Variants in SLF2 observed in about 807,000 individuals in gnomAD.
The protein encoded by SLF2 is SMC5-SMC6 complex localization factor protein 2.
A neutral mutation model predicts 124.3 loss-of-function variants in SLF2; 68 were observed. The ratio of observed to expected loss-of-function variants is 0.55; its 90% confidence interval spans 0.45 to 0.67. SLF2 has a LOEUF of 0.67. Among genes scored for constraint, SLF2 ranks in the 30% least tolerant of loss-of-function variants. SLF2 has a pLI of 0.00. For missense variants in SLF2, 1,246 were observed against 1,373.7 expected (o/e 0.91, Z 1.47); for synonymous variants, 480 against 478.8 (o/e 1.00, Z -0.03).
chr10:100,956,625 C>T (rs1850335152), intron 18 of SLF2, 88 bp downstream of exon 18: 2 of 970,968 alleles, frequency 2.1e-6, no homozygotes, highest in Admixed American at 2.4e-5. Flanking sequence ...GGCCTATATT[C>T]AGAAAAAGAA....
At chr10:100,929,520 A>G (rs990681764) in intron 7 of SLF2, 81 bp downstream of exon 7, 17 of 1,231,812 alleles carry the variant, frequency 1.4e-5, no homozygotes, top group Admixed American at 1.3e-4. Flanking sequence ...TAAATGGGCC[A>G]TTGATGGCTG....
intron 15 of SLF2, 79 bp downstream of exon 15, chr10:100,947,926 CAA>C (rs1480573088): frequency 9.6e-7 from 1 of 1,038,978 alleles, no homozygotes; most frequent in African/African-American, 1.6e-5. Context: ...AACCCTAAGT[CAA>C]AGGTCCTGGG....
At position 100,924,531 on chromosome 10, in the gene SLF2, A is replaced by C. The variant is rs773247768; in HGVS notation, c.1530A>C (p.Glu510Asp). ...KKDKERSSSK[E>D]CSGHSTESTK... Reference sequence around the variant, plus strand: ...ATAAAGAGCGTTCCTCATCTAAAGAATGTTCTGGGCATTCTACAGAATCCA... The same window carrying C: ...ATAAAGAGCGTTCCTCATCTAAAGACTGTTCTGGGCATTCTACAGAATCCA... Residue 510 changes from glutamate to aspartate, a missense_variant, in exon 5 of 20, where the codon GAA becomes GAC. Transcript: ENST00000238961. The C allele has an allele frequency of 6.2e-7, 1 of 1,614,162 alleles. No individual in the cohort carries two copies. The highest frequency in any genetic ancestry group is 1.7e-5 in the Admixed American group (1 of 60,024).
intron 13 of SLF2, among the ~76,000 whole-genome samples, chr10:100,946,067 G>C (rs917389308): frequency 2.0e-5 from 3 of 152,108 alleles, no homozygotes; most frequent in Non-Finnish European, 4.4e-5. Flanking sequence ...GGATGAACAT[G>C]TATAATTTTT....
At chr10:100,959,587 T>G in intron 19 of SLF2, 91 bp downstream of exon 19, 1 of 1,478,378 alleles carries the variant, frequency 6.8e-7, no homozygotes, top group Non-Finnish European at 9.0e-7. Flanking sequence ...GGTATAACAG[T>G]GCACTTGCTT....
rs767183529 is a variant in SLF2, at chr10:100,913,213, G to C, written c.103G>C (p.Ala35Pro). The change falls in exon 1 of 20, where the codon GCT becomes CCT. Residue 35 changes from alanine to proline, a missense_variant. Around this residue, in one of 3 missense-constraint regions of SLF2, gnomAD observed 698 missense variants for 708.9 expected, o/e 0.98. Transcript: ENST00000238961. ...CHLRPGSTAH[A>P]AAGKRTESPG... ...TCTGAGACCCGGTAGTACCGCCCAT[G>C]CTGCAGCGGGAAAGAGAACAGAGAG... The C allele has an allele frequency of 1.9e-6, 3 of 1,611,616 alleles. No individual in the cohort carries two copies. The highest frequency in any genetic ancestry group is 2.5e-6 in the Non-Finnish European group (3 of 1,179,036).
intron 4 of SLF2, among the ~76,000 whole-genome samples, chr10:100,919,044 G>A (rs1405495619): frequency 5.0e-5 from 6 of 118,920 alleles, no homozygotes; most frequent in Non-Finnish European, 8.0e-5. Flanking sequence ...ACAGAGTCTC[G>A]CTCTGTCGCC....
Position 100,924,158 on chromosome 10 carries a change from T to A in SLF2, c.1157T>A (p.Val386Glu). 1 of 1,613,984 alleles carries A rather than the reference T, an allele frequency of 6.2e-7. No homozygotes were observed. Among genetic ancestry groups the A allele is most frequent in the East Asian group, 2.2e-5 (1 of 44,872 alleles). Residue 386 changes from valine to glutamate, a missense_variant, in exon 5 of 20, where the codon GTG becomes GAG. Physicochemically the swap from Val to Glu is moderately radical, Grantham distance 121. Coordinates refer to ENST00000238961, the MANE Select transcript of SLF2 (RefSeq NM_018121.4). ...ATTGCACTGAAGACACCTGGTGATG[T>A]GTTGCGCTTAGAAGATATATCCAAG... ...KHIALKTPGD[V>E]LRLEDISKEP...
intron 3 of SLF2, among the ~76,000 whole-genome samples, chr10:100,917,906 C>T (rs2133752878): frequency 6.6e-6 from 1 of 151,914 alleles, no homozygotes; most frequent in Non-Finnish European, 1.5e-5. Context: ...ATATCGAGAC[C>T]TTGGCTCTAC....
At chr10:100,957,233 GA>G (rs1365114021) in intron 18 of SLF2, among the ~76,000 whole-genome samples, 2 of 150,392 alleles carry the variant, frequency 1.3e-5, no homozygotes, top group South Asian at 2.1e-4. Flanking sequence ...GAAATTTTAT[GA>G]TGGTTGAAAA....
At chr10:100,935,330 G>C (rs1046541868) in intron 9 of SLF2, among the ~76,000 whole-genome samples, 1 of 152,094 alleles carries the variant, frequency 6.6e-6, no homozygotes, top group Non-Finnish European at 1.5e-5. Context: ...GGGAGGCGGA[G>C]GTCGCAGTGA....
intron 16 of SLF2, 105 bp from the exon 17 acceptor site, chr10:100,950,571 G>T: frequency 2.1e-6 from 2 of 942,546 alleles, no homozygotes; most frequent in South Asian, 3.1e-5. Flanking sequence ...GGGTTAACTT[G>T]ACCGTATCCT....
intron 1 of SLF2, among the ~76,000 whole-genome samples, chr10:100,915,506 C>T (rs916229005): frequency 6.6e-6 from 1 of 152,160 alleles, no homozygotes; most frequent in African/African-American, 2.4e-5. Flanking sequence ...AGTTTTACTC[C>T]ATTTTTATAA....
intron 4 of SLF2, among the ~76,000 whole-genome samples, chr10:100,922,401 G>A (rs967603116): frequency 6.6e-6 from 1 of 152,136 alleles, no homozygotes; most frequent in African/African-American, 2.4e-5. Flanking sequence ...AGGGATTGAC[G>A]GGGTTGTACT....
chr10:100,914,341 C>A (rs1849376227), intron 1 of SLF2, among the ~76,000 whole-genome samples: 1 of 118,398 alleles, frequency 8.4e-6, no homozygotes, highest in Admixed American at 8.7e-5. Context: ...GTTAAATAAG[C>A]AGTGGACATT....
intron 5 of SLF2, among the ~76,000 whole-genome samples, 193 bp downstream of exon 5, chr10:100,925,165 CCA>C (rs766575071): frequency 1.1e-4 from 17 of 152,058 alleles, no homozygotes; most frequent in Non-Finnish European, 2.2e-4. Flanking sequence ...TCAGTGGTCT[CCA>C]AACTCTTTTG....
intron 10 of SLF2, among the ~76,000 whole-genome samples, chr10:100,937,785 A>G (rs1230272635): frequency 1.3e-5 from 2 of 151,976 alleles, no homozygotes; most frequent in Admixed American, 6.5e-5. Context: ...ATTGTTTTGT[A>G]TTTTAGTAGA....
intron 14 of SLF2, among the ~76,000 whole-genome samples, 181 bp downstream of exon 14, chr10:100,947,317 G>C (rs1229282475): frequency 6.6e-6 from 1 of 151,498 alleles, no homozygotes; most frequent in East Asian, 1.9e-4. Context: ...TCTTAACTCA[G>C]GTCATTATGT....
In SLF2 at chr10:100,929,235, T is replaced by C. The variant is rs1049129046; in HGVS notation, c.2043-82T>C. ...CAGGGTACTTAATAAGGGTTTTCTT[T>C]GTGCTGCTTTTAGATATAAACTAAA... is the stretch of plus-strand genomic sequence containing the variant. On this transcript the variant is annotated intron_variant, in intron 6 of 19. Transcript: ENST00000238961. The C allele has an allele frequency of 3.0e-5, 41 of 1,346,706 alleles. No individual in the cohort carries two copies. The Middle Eastern group carries it at 5.9e-4, about 19-fold the overall frequency. 83.4% of individuals were successfully genotyped at this position (1,346,706 alleles called of 1,614,324 possible).
Sources: gnomAD v4.1 joint callset for allele counts (sites outside exome capture counted in the v4.1 genomes callset) on GRCh38, gnomAD v4.1.1 for gene constraint, gnomAD v4.1.1 regional missense constraint, MANE v1.5 for transcripts, NCBI Gene and HGNC (gene_info 2026-07-23, HGNC 2026-07-21) for gene names.